F2RL1: variants seen among roughly 807,000 people sequenced by gnomAD.
The protein encoded by F2RL1 is proteinase-activated receptor 2.
F2RL1 carries 16 observed loss-of-function variants against 21.7 expected under a neutral mutation model. The observed-to-expected ratio is 0.74, with a 90% CI of 0.50 to 1.12. The LOEUF (loss-of-function observed/expected upper bound fraction) is 1.12, where lower values mean the gene tolerates loss of function less well. Among genes scored for constraint, F2RL1 ranks in the 50% most tolerant of loss-of-function variants. F2RL1 has a pLI of 0.00. For synonymous variants in F2RL1, 181 were observed against 186.7 expected (o/e 0.97, Z 0.25); for missense variants, 432 against 477.8 (o/e 0.90, Z 0.89).
At position 76,819,142 on chromosome 5, in the gene F2RL1, G is replaced by T. The variant is rs1235381530; in HGVS notation, c.-41G>T. On this transcript the variant is annotated 5_prime_UTR_variant, in exon 1 of 2. Transcript: ENST00000296677. ...GAGCTCTGAGTTTCGAATCGGCGGC[G>T]GCGGATTCCCCGCGCGCCCGGCGTC... The T allele has an allele frequency of 1.3e-6, 2 of 1,527,350 alleles. No individual in the cohort carries two copies. Among genetic ancestry groups the T allele is most frequent in the South Asian group, 2.4e-5 (2 of 84,606 alleles). The allele number at this position is 1,527,350 out of a possible 1,614,324, so 94.6% of individuals were successfully genotyped here.
In F2RL1 at chr5:76,833,801, A is replaced by G. The variant is rs748792492; in HGVS notation, c.1194A>G (p.Ter398TrpextTer72). ...CAACCACTGTTAAGACCTCCTATTG[A>G]GTTTTCCAGGTCCTCAGATGGGAAT... ...SSSTTVKTSY[*>W] is the part of the protein sequence containing the mutation. Residue 398 changes from the stop codon to tryptophan (W), a stop_lost, in exon 2 of 2, where the codon TGA (stop) becomes TGG (tryptophan). Transcript: ENST00000296677. 14 of 1,611,208 alleles carry G rather than the reference A, an allele frequency of 8.7e-6. No homozygotes were observed. Among genetic ancestry groups the G allele is most frequent in the Non-Finnish European group, 1.1e-5 (13 of 1,178,190 alleles).
chr5:76,824,457 T>C (rs774224768), intron 1 of F2RL1, among the ~76,000 whole-genome samples: 3 of 151,592 alleles, frequency 2.0e-5, no homozygotes, highest in East Asian at 2.0e-4. Context: ...GCCTCCCAAG[T>C]AGCTGGGATT....
chr5:76,819,362 T>C, intron 1 of F2RL1, 98 bp downstream of exon 1: 1 of 1,019,562 alleles, frequency 9.8e-7, no homozygotes. Context: ...GCGAAGGCTG[T>C]TCTGCTGCCG....
chr5:76,832,566 G>T, intron 1 of F2RL1, 124 bp from the exon 2 acceptor site: 1 of 989,976 alleles, frequency 1.0e-6, no homozygotes, highest in Non-Finnish European at 1.5e-6. Flanking sequence ...CAGCCTGGGT[G>T]ACAGCGAGAC....
rs555152159 is a variant in F2RL1 at position 76,825,004 on chromosome 5, A to ATTTTT, written c.82+5757_82+5761dup. Among the ~76,000 whole-genome samples, 559 of 129,844 alleles carry ATTTTT rather than the reference A, an allele frequency of 4.3e-3. 7 individuals carry two copies. Among genetic ancestry groups the ATTTTT allele is most frequent in the African/African-American group, 0.015 (530 of 34,394 alleles). The allele number at this position is 129,844 out of a possible 152,430, so 85.2% of individuals were successfully genotyped here. On this transcript the variant is annotated intron_variant, in intron 1 of 1. Coordinates refer to ENST00000296677, the MANE Select transcript of F2RL1 (RefSeq NM_005242.6). ...CAGATTTTGCAAATTGTACATTATA[A>ATTTTT]TTTTTTTTTTTTTTTTTTTTTGAGA... is the stretch of plus-strand genomic sequence containing the variant.
At chr5:76,829,259 T>C (rs1750304103) in intron 1 of F2RL1, among the ~76,000 whole-genome samples, 1 of 93,552 alleles carries the variant, frequency 1.1e-5, no homozygotes, top group Non-Finnish European at 2.1e-5. Flanking sequence ...TTCTTCTTCT[T>C]CTTCTTTTTT....
At chr5:76,827,360 G>T (rs1458510885) in intron 1 of F2RL1, among the ~76,000 whole-genome samples, 2 of 148,858 alleles carry the variant, frequency 1.3e-5, no homozygotes, top group Non-Finnish European at 3.0e-5. Context: ...TTAGCCAGGC[G>T]TGGTGGCAGG....
At chr5:76,826,323 T>C (rs952795027) in intron 1 of F2RL1, among the ~76,000 whole-genome samples, 2 of 152,224 alleles carry the variant, frequency 1.3e-5, no homozygotes, top group Admixed American at 6.5e-5. Context: ...TTTATTACCC[T>C]GGAAGAAACA....
At position 76,833,120 on chromosome 5, in the gene F2RL1, G is replaced by A. The variant is rs750901684; in HGVS notation, c.513G>A (p.Val171=). 1 of 1,614,200 alleles carries A rather than the reference G, an allele frequency of 6.2e-7. No homozygotes were observed. Among genetic ancestry groups the A allele is most frequent in the African/African-American group, 1.3e-5 (1 of 75,060 alleles). ...CSILFMTCLS[V]QRYWVIVNPM... is the part of the protein sequence containing the mutation. ...TTCTCTTCATGACCTGCCTCAGTGT[G>A]CAGAGGTATTGGGTCATCGTGAACC... Residue 171 remains valine, a synonymous_variant, in exon 2 of 2, where the codon GTG becomes GTA. Transcript: ENST00000296677.
chr5:76,819,640 T>C (rs1750091823), intron 1 of F2RL1, among the ~76,000 whole-genome samples: 2 of 152,082 alleles, frequency 1.3e-5, no homozygotes, highest in Admixed American at 1.3e-4. Context: ...TCCCCGGGCT[T>C]GGTTGCTTTG....
At chr5:76,821,618 C>G (rs193160589) in intron 1 of F2RL1, among the ~76,000 whole-genome samples, 65 of 134,190 alleles carry the variant, frequency 4.8e-4, no homozygotes, top group African/African-American at 1.7e-3. Context: ...CATTCGGTTG[C>G]CCAGGCTTGA....
At chr5:76,819,319 A>G in intron 1 of F2RL1, 55 bp downstream of exon 1, 1 of 1,462,608 alleles carries the variant, frequency 6.8e-7, no homozygotes, top group Non-Finnish European at 9.2e-7. Context: ...GGTCCTGGGC[A>G]CGCTGGGCAG....
At chr5:76,831,672 TACAGGCGCCTGC>T (rs1750351562) in intron 1 of F2RL1, among the ~76,000 whole-genome samples, 1 of 151,888 alleles carries the variant, frequency 6.6e-6, no homozygotes, top group Non-Finnish European at 1.5e-5. Flanking sequence ...TAGCTGGGAT[TACAGGCGCCTGC>T]GCCTGGCTAA....
rs79491386 is a variant in F2RL1, at chr5:76,832,677, C to G, written c.83-13C>G. 63 of 1,573,940 alleles carry G rather than the reference C, an allele frequency of 4.0e-5. No individual in the cohort carries two copies. Among genetic ancestry groups the G allele is most frequent in the Middle Eastern group, 3.4e-4 (2 of 5,832 alleles). Reference sequence around the variant, plus strand: ...TATTTCTGTAATGACCCTTGTCTTCCTTTCTTGTACAGGAACCAGTAGATC... The same window carrying G: ...TATTTCTGTAATGACCCTTGTCTTCGTTTCTTGTACAGGAACCAGTAGATC... On this transcript the variant is annotated splice_polypyrimidine_tract_variant and intron_variant, in intron 1 of 1. Coordinates refer to ENST00000296677, the MANE Select transcript of F2RL1 (RefSeq NM_005242.6).
rs1750392026 is a variant in F2RL1, at chr5:76,833,438, C to T, written c.831C>T (p.Asn277=). 6.2e-7 allele frequency: 1 copy of T among 1,613,950 alleles called. No homozygotes were observed. The highest frequency in any genetic ancestry group is 2.2e-5 in the East Asian group (1 of 44,826). Residue 277 remains asparagine (N), a synonymous_variant, in exon 2 of 2, where the codon AAC becomes AAT. Transcript: ENST00000296677. ...TGCGATCTTCTGCCATGGATGAAAA[C>T]TCAGAGAAGAAAAGGAAGAGGGCCA... is the stretch of plus-strand genomic sequence containing the variant. ...RMLRSSAMDE[N]SEKKRKRAIK...
rs111871548 is a variant in F2RL1, at chr5:76,819,285, G to A, written c.82+21G>A. The A allele has an allele frequency of 1.9e-6, 3 of 1,577,558 alleles. No homozygotes were observed. In the South Asian group the frequency reaches 3.4e-5, roughly 18 times the overall value. ...CCAAGGTGAGAAACCTGGCCAAGGA[G>A]GGCTCTTATCTCTGAGGAGCTGGGG... On this transcript the variant is annotated intron_variant, in intron 1 of 1. Transcript: ENST00000296677.
At chr5:76,823,376 T>G (rs1394237283) in intron 1 of F2RL1, among the ~76,000 whole-genome samples, 1 of 149,626 alleles carries the variant, frequency 6.7e-6, no homozygotes, top group Non-Finnish European at 1.5e-5. Flanking sequence ...GTTGGTTTTT[T>G]TTTTTTTTTT....
intron 1 of F2RL1, among the ~76,000 whole-genome samples, chr5:76,819,981 C>T (rs961556138): frequency 2.0e-5 from 3 of 152,140 alleles, no homozygotes; most frequent in Non-Finnish European, 4.4e-5. Context: ...CGAGGATTTA[C>T]GAGCGGAACT....
At chr5:76,827,367 C>T (rs1750262399) in intron 1 of F2RL1, among the ~76,000 whole-genome samples, 1 of 146,498 alleles carries the variant, frequency 6.8e-6, no homozygotes, top group African/African-American at 2.5e-5. Context: ...GGCGTGGTGG[C>T]AGGCGCCTGT....
Sources: allele counts gnomAD v4.1 joint callset (sites outside exome capture counted in the v4.1 genomes callset), GRCh38; gene constraint gnomAD v4.1.1; transcripts MANE v1.5; gene names NCBI Gene and HGNC (gene_info 2026-07-23, HGNC 2026-07-21).